The following APBA1 variants were observed in gnomAD, a reference collection of about 807,000 sequenced individuals.
APBA1 encodes amyloid beta precursor protein binding family A member 1.
In APBA1, 55 loss-of-function variants were observed where a neutral mutation model predicts 86.6. The observed-to-expected ratio is 0.64, with a 90% CI of 0.51 to 0.80. APBA1 has a LOEUF of 0.80. Ranked by LOEUF, APBA1 falls within the 30% of genes least tolerant of loss-of-function variation. The pLI is 0.00. For synonymous variants in APBA1, 511 were observed against 493.9 expected (o/e 1.03, Z -0.46); for missense variants, 1,090 against 1,183.0 (o/e 0.92, Z 1.15).
At chr9:69,639,591 A>C (rs924907040) in intron 1 of APBA1, among the ~76,000 whole-genome samples, 1 of 152,230 alleles carries the variant, frequency 6.6e-6, no homozygotes, top group Non-Finnish European at 1.5e-5. Flanking sequence ...AATATATCAA[A>C]TGTGCTTAAA....
At chr9:69,575,499 C>G (rs1178114219) in intron 1 of APBA1, among the ~76,000 whole-genome samples, 1 of 152,034 alleles carries the variant, frequency 6.6e-6, no homozygotes, top group East Asian at 1.9e-4. Context: ...GTACTGGTAC[C>G]AAAACAGAGA....
chr9:69,486,265 G>C (rs1186366149), intron 2 of APBA1, among the ~76,000 whole-genome samples: 1 of 151,988 alleles, frequency 6.6e-6, no homozygotes, highest in Non-Finnish European at 1.5e-5. Context: ...TTTTAATTCT[G>C]ACTGAACATC....
At chr9:69,636,802 GAAGA>G (rs1342120961) in intron 1 of APBA1, among the ~76,000 whole-genome samples, 1 of 38,704 alleles carries the variant, frequency 2.6e-5, no homozygotes, top group Non-Finnish European at 5.8e-5. Context: ...CTCAAAAAAA[GAAGA>G]GAGAGAGAGA....
chr9:69,488,930 G>C (rs1835655081), intron 2 of APBA1, among the ~76,000 whole-genome samples: 2 of 149,412 alleles, frequency 1.3e-5, no homozygotes, highest in Non-Finnish European at 3.0e-5. Context: ...CAAGGGATGT[G>C]AAAGACCTCT....
At chr9:69,467,714 C>T in intron 5 of APBA1, 109 bp downstream of exon 5, 8 of 1,456,514 alleles carry the variant, frequency 5.5e-6, no homozygotes, top group Non-Finnish European at 6.5e-6. Flanking sequence ...GTGATGTCAT[C>T]TCAAACCACT....
intron 1 of APBA1, among the ~76,000 whole-genome samples, chr9:69,646,621 G>C (rs754249840): frequency 7.2e-5 from 11 of 152,136 alleles, no homozygotes; most frequent in Non-Finnish European, 1.6e-4. Flanking sequence ...TCTGCCCACA[G>C]AAGGGGGCAT....
Position 69,515,999 on chromosome 9 carries a change from G to A in APBA1, c.1200+12C>T, listed in dbSNP as rs747177815. The A allele has an allele frequency of 1.3e-6, 2 of 1,533,178 alleles. No individual in the cohort carries two copies. The highest frequency in any genetic ancestry group is 1.8e-6 in the Non-Finnish European group (2 of 1,131,864). The allele number at this position is 1,533,178 out of a possible 1,614,324, so 95.0% of individuals were successfully genotyped here. On this transcript the variant is annotated intron_variant, in intron 2 of 12. Coordinates refer to ENST00000265381, the MANE Select transcript of APBA1 (RefSeq NM_001163.4). ...CGTGGGGCCGAGGAAGCCCAAACCCGCACCTACTTACATCTCCGTCCATCG... is the reference window on the plus strand; with the variant it reads ...CGTGGGGCCGAGGAAGCCCAAACCCACACCTACTTACATCTCCGTCCATCG...
intron 2 of APBA1, among the ~76,000 whole-genome samples, chr9:69,511,624 G>C (rs934724741): frequency 6.6e-6 from 1 of 151,762 alleles, no homozygotes; most frequent in Non-Finnish European, 1.5e-5. Context: ...ACATGCACAC[G>C]TATGTTTACT....
chr9:69,658,290 C>T (rs7031922), intron 1 of APBA1, among the ~76,000 whole-genome samples: 40,111 of 79,766 alleles, frequency 0.5, 9,620 homozygotes, highest in South Asian at 0.59. Flanking sequence ...CTTTCTCTCT[C>T]TCTTTCTCTC....
chr9:69,558,572 A>C (rs1291261178), intron 1 of APBA1, among the ~76,000 whole-genome samples: 1 of 151,404 alleles, frequency 6.6e-6, no homozygotes, highest in Non-Finnish European at 1.5e-5. Flanking sequence ...ATATATATAT[A>C]TATATATATA....
intron 1 of APBA1, among the ~76,000 whole-genome samples, chr9:69,529,641 G>A (rs1037152522): frequency 3.9e-5 from 6 of 152,094 alleles, no homozygotes; most frequent in African/African-American, 9.7e-5. Context: ...AAATCCAAAT[G>A]TGGTTTTGAA....
chr9:69,433,694 C>T (rs985696084), intron 11 of APBA1, among the ~76,000 whole-genome samples: 21 of 152,004 alleles, frequency 1.4e-4, no homozygotes, highest in Non-Finnish European at 2.1e-4. Context: ...AATTAGGCTA[C>T]TCAGGTACAA....
At chr9:69,500,728 C>T (rs974135541) in intron 2 of APBA1, among the ~76,000 whole-genome samples, 5 of 152,090 alleles carry the variant, frequency 3.3e-5, no homozygotes, top group Non-Finnish European at 7.3e-5. Context: ...CGTGCCAAGA[C>T]CCAACCTCCA....
chr9:69,481,345 A>G (rs1476878053), intron 2 of APBA1, among the ~76,000 whole-genome samples: 1 of 152,030 alleles, frequency 6.6e-6, no homozygotes, highest in African/African-American at 2.4e-5. Flanking sequence ...CAAACAGCCA[A>G]ATCATGAGCG....
intron 1 of APBA1, among the ~76,000 whole-genome samples, chr9:69,564,688 G>T (rs902413621): frequency 5.9e-5 from 9 of 152,188 alleles, no homozygotes; most frequent in Non-Finnish European, 1.2e-4. Flanking sequence ...TGTTGGCAAG[G>T]CTGTGGAGAA....
In APBA1 at chr9:69,432,544, C is replaced by T; in HGVS notation, c.2434G>A (p.Val812Ile). Residue 812 changes from valine (V) to isoleucine (I), a missense_variant, in exon 12 of 13, where the codon GTT (valine) becomes ATT (isoleucine). Around this residue, in one of 6 missense-constraint regions of APBA1, gnomAD observed 119 missense variants for 124.8 expected, o/e 0.95. Transcript: ENST00000265381. ...EKIVHILSNA[V>I]GEIHMKTMPA... ...CCCCGGACCTCTCCTACCTCCCCAA[C>T]AGCATTGGAGAGAATGTGGACGATC... 2 of 1,561,426 alleles carry T rather than the reference C, an allele frequency of 1.3e-6. No homozygotes were observed. The highest frequency in any genetic ancestry group is 1.7e-6 in the Non-Finnish European group (2 of 1,153,514).
intron 1 of APBA1, among the ~76,000 whole-genome samples, chr9:69,599,528 C>A (rs555439167): frequency 6.6e-6 from 1 of 152,318 alleles, no homozygotes; most frequent in South Asian, 2.1e-4. Context: ...CTCACCAGCA[C>A]ATTTAAACAA....
intron 10 of APBA1, among the ~76,000 whole-genome samples, 199 bp downstream of exon 10, chr9:69,449,385 A>G (rs1834963557): frequency 6.6e-6 from 1 of 152,176 alleles, no homozygotes; most frequent in African/African-American, 2.4e-5. Context: ...CCCCTAATCT[A>G]AATTGATTTC....
intron 2 of APBA1, among the ~76,000 whole-genome samples, chr9:69,482,549 G>C (rs1358472620): frequency 6.0e-5 from 9 of 150,506 alleles, no homozygotes; most frequent in Non-Finnish European, 1.2e-4. Context: ...TTCAACCCTT[G>C]TGGAAGTCAG....
Sources: allele counts gnomAD v4.1 joint callset (sites outside exome capture counted in the v4.1 genomes callset), GRCh38; gene constraint gnomAD v4.1.1; regional missense constraint gnomAD v4.1.1; transcripts MANE v1.5; gene names NCBI Gene and HGNC (gene_info 2026-07-23, HGNC 2026-07-21).